Variants in IGBP1C observed in about 807,000 individuals in gnomAD.
IGBP1C encodes immunoglobulin-binding protein 1 family member C.
At chr17:58,678,246 G>A in the IGBP1C span, among the ~76,000 whole-genome samples, 5 of 152,194 alleles carry the variant, frequency 3.3e-5, no homozygotes, top group Admixed American at 6.5e-5. Context: ...CTTAAGGGAA[G>A]GACACTGGAA....
the IGBP1C span, among the ~76,000 whole-genome samples, chr17:58,683,052 C>CAAA: frequency 1.3e-4 from 7 of 53,958 alleles, no homozygotes; most frequent in Admixed American, 2.1e-4. Flanking sequence ...GAGTCTGTCT[C>CAAA]AAAAAAAAAA....
At chr17:58,660,595 G>T in the IGBP1C span, 1 of 797,114 alleles carries the variant, frequency 1.3e-6, no homozygotes, top group Non-Finnish European at 2.3e-6. Flanking sequence ...TGTTCTGTCG[G>T]TTGCCGTAGC....
chr17:58,660,943 G>T, the IGBP1C span: 3 of 1,047,510 alleles, frequency 2.9e-6, no homozygotes, highest in Admixed American at 3.4e-5. Flanking sequence ...TCTCTCCCAG[G>T]ATCTTTATTT....
chr17:58,670,122 C>T, the IGBP1C span, among the ~76,000 whole-genome samples: 7 of 152,312 alleles, frequency 4.6e-5, no homozygotes, highest in Non-Finnish European at 8.8e-5. Context: ...TCTCTTCCCA[C>T]GCTGAGCTCC....
At chr17:58,662,661 T>A in the IGBP1C span, among the ~76,000 whole-genome samples, 1 of 152,174 alleles carries the variant, frequency 6.6e-6, no homozygotes, top group Non-Finnish European at 1.5e-5. Flanking sequence ...CCCCTCAGTT[T>A]GTGAGTCTCA....
chr17:58,689,091 C>T, the IGBP1C span, among the ~76,000 whole-genome samples: 388 of 151,892 alleles, frequency 2.6e-3, 1 homozygote, highest in African/African-American at 8.9e-3. Flanking sequence ...CCACCACACC[C>T]GGCTAATTTT....
At chr17:58,671,767 A>AT in the IGBP1C span, among the ~76,000 whole-genome samples, 1 of 151,962 alleles carries the variant, frequency 6.6e-6, no homozygotes, top group African/African-American at 2.4e-5. Flanking sequence ...TTTTCTCACC[A>AT]TTTTACATGT....
chr17:58,682,138 G>T, the IGBP1C span, among the ~76,000 whole-genome samples: 1 of 151,980 alleles, frequency 6.6e-6, no homozygotes, highest in South Asian at 2.1e-4. Flanking sequence ...TTGTAGAGAG[G>T]GAGTTTCACC....
the IGBP1C span, among the ~76,000 whole-genome samples, chr17:58,665,064 G>A: frequency 1.3e-5 from 2 of 152,174 alleles, no homozygotes; most frequent in East Asian, 1.9e-4. Flanking sequence ...TAAGGAAACA[G>A]ATTAAGTTAG....
the IGBP1C span, among the ~76,000 whole-genome samples, chr17:58,687,780 C>CT: frequency 6.6e-6 from 1 of 152,184 alleles, no homozygotes; most frequent in Non-Finnish European, 1.5e-5. Flanking sequence ...TTGGAATACT[C>CT]TGACAGGTTA....
the IGBP1C span, among the ~76,000 whole-genome samples, chr17:58,688,020 G>A: frequency 2.6e-5 from 4 of 152,140 alleles, no homozygotes; most frequent in Non-Finnish European, 4.4e-5. Flanking sequence ...TGCTAATCCT[G>A]AATGTAGACC....
chr17:58,669,603 GCA>G, the IGBP1C span, among the ~76,000 whole-genome samples: 2 of 147,548 alleles, frequency 1.4e-5, no homozygotes, highest in African/African-American at 5.0e-5. Context: ...GTGTGGTGGC[GCA>G]TGCCTGTAAT....
At chr17:58,671,735 A>T in the IGBP1C span, among the ~76,000 whole-genome samples, 3 of 152,118 alleles carry the variant, frequency 2.0e-5, no homozygotes, top group African/African-American at 4.8e-5. Context: ...AATATATTTT[A>T]AAAACTCGTT....
chr17:58,661,661 G>T, the IGBP1C span: 5 of 626,674 alleles, frequency 8.0e-6, no homozygotes, highest in Non-Finnish European at 1.4e-5. Flanking sequence ...AAAGATTCTG[G>T]CGTAGATTTC....
the IGBP1C span, among the ~76,000 whole-genome samples, chr17:58,684,569 T>C: frequency 6.6e-6 from 1 of 151,016 alleles, no homozygotes; most frequent in Non-Finnish European, 1.5e-5. Context: ...AGGGAGGCAG[T>C]GGTGGCAGTG....
the IGBP1C span, among the ~76,000 whole-genome samples, chr17:58,687,245 G>T: frequency 6.6e-6 from 1 of 152,012 alleles, no homozygotes; most frequent in Non-Finnish European, 1.5e-5. Flanking sequence ...GCCTACTCTG[G>T]ACTCAGCAGC....
chr17:58,686,760 A>G, the IGBP1C span, among the ~76,000 whole-genome samples: 2 of 148,006 alleles, frequency 1.4e-5, no homozygotes, highest in African/African-American at 2.5e-5. Flanking sequence ...TATCATAACC[A>G]CCTCTAAAGC....
the IGBP1C span, among the ~76,000 whole-genome samples, chr17:58,691,465 G>A: frequency 6.6e-6 from 1 of 151,640 alleles, no homozygotes; most frequent in Non-Finnish European, 1.5e-5. Flanking sequence ...TCAGGAGTTC[G>A]AGACCAGCCT....
chr17:58,689,723 T>C, the IGBP1C span, among the ~76,000 whole-genome samples: 1 of 152,194 alleles, frequency 6.6e-6, no homozygotes, highest in Non-Finnish European at 1.5e-5. Context: ...TAGCTTTGTT[T>C]AGTTCCTAGT....
Sources: gnomAD v4.1 joint callset for allele counts (sites outside exome capture counted in the v4.1 genomes callset) on GRCh38, gnomAD v4.1.1 for gene constraint, MANE v1.5 for transcripts, NCBI Gene and HGNC (gene_info 2026-07-23, HGNC 2026-07-21) for gene names.